DGLUCY: variants seen among roughly 807,000 people sequenced by gnomAD.
DGLUCY encodes D-glutamate cyclase, mitochondrial.
In DGLUCY, 58 loss-of-function variants were observed where a neutral mutation model predicts 58.5. The observed-to-expected ratio is 0.99, with a 90% confidence interval of 0.80 to 1.23. The LOEUF is 1.23. Ranked by LOEUF, DGLUCY falls within the 50% of genes most tolerant of loss-of-function variation. The pLI, the probability that DGLUCY is intolerant of heterozygous loss-of-function variation, is 0.00. For synonymous variants in DGLUCY, 325 were observed against 314.1 expected, an observed-to-expected ratio of 1.03 and a Z score of -0.37; for missense variants, 779 against 784.7, an observed-to-expected ratio of 0.99 and a Z score of 0.09.
chr14:91,220,408 T>C (rs914206629), intron 13 of DGLUCY: 1 of 443,298 alleles, frequency 2.3e-6, no homozygotes, highest in Admixed American at 2.4e-5. Context: ...ATCATCATCC[T>C]TCTTATCATG....
Position 91,066,542 on chromosome 14 carries a change from A to G in DGLUCY, c.-82+5838A>G, listed in dbSNP as rs372003110. Among the ~76,000 whole-genome samples, 4 of 152,222 alleles carry G rather than the reference A, an allele frequency of 2.6e-5. No homozygotes were observed. The East Asian group carries it at 7.7e-4, about 29-fold the overall frequency. On this transcript the variant is annotated intron_variant, in intron 1 of 4. Coordinates refer to the DGLUCY transcript ENST00000521334. Reference sequence around the variant, plus strand: ...TGTGGTCTCACCTATCCTTAGCTTTATACCTCTTCACTGAGAAGCGGAGAG... The same window carrying G: ...TGTGGTCTCACCTATCCTTAGCTTTGTACCTCTTCACTGAGAAGCGGAGAG...
chr14:91,161,810 AT>A (rs3028460), intron 3 of DGLUCY, among the ~76,000 whole-genome samples: 12,150 of 147,872 alleles, frequency 0.082, 558 homozygotes, highest in Middle Eastern at 0.15. Context: ...GATTTTTGCC[AT>A]TTTTTTTTTT....
chr14:91,095,557 A>G (rs1340791295), intron 1 of DGLUCY, among the ~76,000 whole-genome samples: 1 of 152,134 alleles, frequency 6.6e-6, no homozygotes, highest in African/African-American at 2.4e-5. Context: ...CCATAGTTCA[A>G]TCTGTTTCTT....
intron 13 of DGLUCY, among the ~76,000 whole-genome samples, chr14:91,219,549 A>G (rs1269042407): frequency 6.6e-6 from 1 of 152,242 alleles, no homozygotes; most frequent in Non-Finnish European, 1.5e-5. Flanking sequence ...AATGTCCCAC[A>G]GCTCTGCTCA....
chr14:91,217,086 TGGA>T (rs1886649216), intron 13 of DGLUCY, among the ~76,000 whole-genome samples: 2 of 152,148 alleles, frequency 1.3e-5, no homozygotes, highest in Admixed American at 1.3e-4. Context: ...CTGCCCCTCT[TGGA>T]GGAGAAGCTG....
At chr14:91,062,021 A>G (rs1219823952) in intron 1 of DGLUCY, among the ~76,000 whole-genome samples, 3 of 152,176 alleles carry the variant, frequency 2.0e-5, no homozygotes, top group Admixed American at 2.0e-4. Flanking sequence ...GAGTCAGCAC[A>G]CTTTTTTCTA....
rs180776510 is a variant in DGLUCY, at chr14:91,118,975, A to T, written c.-82+4692A>T. ...AAGTCTACCTAAAAAGTTAAAAAAA[A>T]TTTTTTTAAATTATACTACTACTAC... On this transcript the variant is annotated intron_variant, in intron 1 of 13. Transcript: ENST00000256324. Among the ~76,000 whole-genome samples the T allele has an allele frequency of 2.6e-4, 40 of 152,186 alleles. 1 individual carries two copies. The highest frequency in any genetic ancestry group is 3.4e-3 in the Middle Eastern group (1 of 294).
chr14:91,195,671 T>G (rs948545430), intron 9 of DGLUCY, among the ~76,000 whole-genome samples: 8 of 91,426 alleles, frequency 8.8e-5, no homozygotes, highest in African/African-American at 3.0e-4. Context: ...TTGGGTTTTG[T>G]TTTTTTTTTT....
chr14:91,171,366 CAGT>C (rs1408066562), intron 5 of DGLUCY, among the ~76,000 whole-genome samples: 3 of 152,240 alleles, frequency 2.0e-5, no homozygotes, highest in African/African-American at 7.2e-5. Context: ...TAAGTGTCCA[CAGT>C]AAGTGCTCAA....
intron 2 of DGLUCY, among the ~76,000 whole-genome samples, chr14:91,159,998 C>T (rs549174826): frequency 1.3e-5 from 2 of 152,116 alleles, no homozygotes; most frequent in East Asian, 1.9e-4. Context: ...CTGCAGCTCC[C>T]GAGGAATGGA....
intron 4 of DGLUCY, 63 bp downstream of exon 4, chr14:91,167,441 C>T (rs1390560683): frequency 6.2e-7 from 1 of 1,600,082 alleles, no homozygotes; most frequent in East Asian, 2.2e-5. Flanking sequence ...AGCCAGGTGT[C>T]TCTGTCATCC....
At chr14:91,128,972 A>G (rs2045881277) in intron 1 of DGLUCY, 1 of 152,080 alleles carries the variant, frequency 6.6e-6, no homozygotes, top group South Asian at 2.1e-4. Flanking sequence ...CTGAAAGAAA[A>G]AAAATGCTAG....
chr14:91,105,302 G>A (rs551635669), upstream of DGLUCY, among the ~76,000 whole-genome samples: 5 of 151,908 alleles, frequency 3.3e-5, no homozygotes, highest in Non-Finnish European at 7.4e-5. Flanking sequence ...GTGACAGAGT[G>A]AGACTCCATC....
intron 1 of DGLUCY, among the ~76,000 whole-genome samples, chr14:91,140,846 A>C (rs528527166): frequency 6.6e-6 from 1 of 152,250 alleles, no homozygotes; most frequent in East Asian, 1.9e-4. Flanking sequence ...TTGTGATTCA[A>C]ACAGCAATGG....
chr14:91,180,695 AG>A (rs1394756737), intron 7 of DGLUCY, among the ~76,000 whole-genome samples: 1 of 152,226 alleles, frequency 6.6e-6, no homozygotes, highest in Non-Finnish European at 1.5e-5. Flanking sequence ...AATCTAACAA[AG>A]GAGAGTCTTT....
chr14:91,185,421 T>TA (rs1274064965), intron 8 of DGLUCY: 3 of 151,404 alleles, frequency 2.0e-5, no homozygotes, highest in Non-Finnish European at 4.4e-5. Flanking sequence ...TACCTGGCAC[T>TA]ACAGGTGCGC....
intron 12 of DGLUCY, among the ~76,000 whole-genome samples, chr14:91,212,047 C>T (rs974298329): frequency 3.9e-5 from 6 of 152,218 alleles, no homozygotes; most frequent in Non-Finnish European, 8.8e-5. Context: ...GAGTGATCCA[C>T]CTGCCTCGGC....
chr14:91,155,403 G>A (rs1285306921), intron 1 of DGLUCY, among the ~76,000 whole-genome samples: 2 of 152,200 alleles, frequency 1.3e-5, no homozygotes, highest in African/African-American at 4.8e-5. Flanking sequence ...GTGATATTAT[G>A]AGATATGTAT....
chr14:91,216,892 G>A (rs981000642), intron 13 of DGLUCY, among the ~76,000 whole-genome samples: 3 of 152,200 alleles, frequency 2.0e-5, no homozygotes, highest in African/African-American at 7.2e-5. Context: ...ACATGCATAT[G>A]GGGAAAATGC....
Sources: gnomAD v4.1 joint callset for allele counts (sites outside exome capture counted in the v4.1 genomes callset) on GRCh38, gnomAD v4.1.1 for gene constraint, MANE v1.5 for transcripts, NCBI Gene and HGNC (gene_info 2026-07-23, HGNC 2026-07-21) for gene names.